Variants in GRID2 observed in about 807,000 individuals in gnomAD.
GRID2 encodes the protein glutamate receptor ionotropic, delta-2.
GRID2 carries 33 observed loss-of-function variants against 114.8 expected under a neutral mutation model. That is an observed-to-expected ratio of 0.29 (90% CI 0.22 to 0.38). The LOEUF (loss-of-function observed/expected upper bound fraction) is 0.38, where lower values mean the gene tolerates loss of function less well. Ranked by LOEUF, GRID2 falls within the 10% of genes least tolerant of loss-of-function variation. GRID2 has a pLI of 1.00. For synonymous variants in GRID2, 505 were observed against 449.9 expected, an observed-to-expected ratio of 1.12 and a Z score of -1.55; for missense variants, 1,184 against 1,257.7, an observed-to-expected ratio of 0.94 and a Z score of 0.89.
rs113547988 is a variant in GRID2, at chr4:92,569,109, C to A, written c.89-21022C>A. 2.4e-3 allele frequency among the ~76,000 whole-genome samples: 372 copies of A among 152,058 alleles called. 1 individual carries two copies. Among genetic ancestry groups the A allele is most frequent in the African/African-American group, 8.1e-3 (337 of 41,510 alleles). On this transcript the variant is annotated intron_variant, in intron 1 of 15. Transcript: ENST00000282020. ...CCAACATCCATTATTCTTCCTGATGCTCTCTCTCCTTCCACCCCACACCCT... is the reference window on the plus strand; with the variant it reads ...CCAACATCCATTATTCTTCCTGATGATCTCTCTCCTTCCACCCCACACCCT...
intron 2 of GRID2, among the ~76,000 whole-genome samples, chr4:92,643,521 G>A (rs966773492): frequency 2.0e-5 from 3 of 151,734 alleles, no homozygotes; most frequent in Non-Finnish European, 4.4e-5. Flanking sequence ...AAACTCACTA[G>A]CATTTTTATA....
intron 1 of GRID2, among the ~76,000 whole-genome samples, chr4:92,586,352 A>G (rs1027727487): frequency 1.4e-5 from 2 of 142,928 alleles, no homozygotes; most frequent in African/African-American, 5.3e-5. Flanking sequence ...AGCACAAAAA[A>G]TCTACACACA....
intron 1 of GRID2, among the ~76,000 whole-genome samples, chr4:92,425,291 T>C (rs1315990983): frequency 6.6e-6 from 1 of 152,030 alleles, no homozygotes; most frequent in Non-Finnish European, 1.5e-5. Context: ...TTATTTATAG[T>C]ACTTTAGGAA....
At position 92,724,028 on chromosome 4, in the gene GRID2, G is replaced by T. The variant is rs141261483; in HGVS notation, c.244+133742G>T. On this transcript the variant is annotated intron_variant, in intron 2 of 15. Transcript: ENST00000282020. Reference sequence around the variant, plus strand: ...TCCAAACTAAGCTCACTGCATTTTAGTCAGATAGCAAAAATCTGTATCAAT... The same window carrying T: ...TCCAAACTAAGCTCACTGCATTTTATTCAGATAGCAAAAATCTGTATCAAT... Among the ~76,000 whole-genome samples, 1,516 of 151,990 alleles carry T rather than the reference G, an allele frequency of 1.0e-2. 21 individuals carry two copies. The highest frequency in any genetic ancestry group is 0.035 in the African/African-American group (1,454 of 41,440).
chr4:92,527,666 A>AC (rs1725110892), intron 1 of GRID2, among the ~76,000 whole-genome samples: 2 of 152,062 alleles, frequency 1.3e-5, no homozygotes, highest in Non-Finnish European at 2.9e-5. Flanking sequence ...GAAAAAATTC[A>AC]AGTGTGAATT....
At chr4:92,330,983 A>G (rs1317549464) in intron 1 of GRID2, among the ~76,000 whole-genome samples, 1 of 152,130 alleles carries the variant, frequency 6.6e-6, no homozygotes, top group East Asian at 1.9e-4. Flanking sequence ...AAAACTCTTT[A>G]TTGAGCAATT....
At chr4:92,470,689 C>G (rs1171327666) in intron 1 of GRID2, among the ~76,000 whole-genome samples, 1 of 151,958 alleles carries the variant, frequency 6.6e-6, no homozygotes, top group East Asian at 1.9e-4. Flanking sequence ...CAAGAACTGA[C>G]TGCAATCATT....
At chr4:92,579,959 A>T (rs995086810) in intron 1 of GRID2, among the ~76,000 whole-genome samples, 1 of 145,936 alleles carries the variant, frequency 6.9e-6, no homozygotes, top group African/African-American at 2.5e-5. Context: ...TATTTTATAT[A>T]TGTGTATATA....
intron 1 of GRID2, among the ~76,000 whole-genome samples, chr4:92,440,133 G>A (rs1732964394): frequency 6.8e-6 from 1 of 146,250 alleles, no homozygotes; most frequent in Non-Finnish European, 1.5e-5. Flanking sequence ...GTATTGTCCA[G>A]TCCTTTTTAA....
At chr4:93,295,250 C>T (rs548836656) in intron 8 of GRID2, among the ~76,000 whole-genome samples, 27 of 152,018 alleles carry the variant, frequency 1.8e-4, no homozygotes, top group African/African-American at 6.0e-4. Flanking sequence ...TGAGTGAAAT[C>T]GAGAAAAACG....
intron 12 of GRID2, among the ~76,000 whole-genome samples, chr4:93,498,760 C>CT (rs1339589708): frequency 6.6e-6 from 1 of 151,684 alleles, no homozygotes; most frequent in East Asian, 1.9e-4. Flanking sequence ...ATCCAGATAC[C>CT]TTTTATTTTC....
chr4:92,530,580 C>G (rs560794371), intron 1 of GRID2, among the ~76,000 whole-genome samples: 4 of 150,512 alleles, frequency 2.7e-5, no homozygotes, highest in East Asian at 2.0e-4. Context: ...TGTCTGGGTC[C>G]TTATTTGTCC....
At chr4:93,164,811 G>T (rs923956322) in intron 4 of GRID2, 2 of 379,192 alleles carry the variant, frequency 5.3e-6, no homozygotes, top group Non-Finnish European at 1.1e-5. Flanking sequence ...AGACACTTAC[G>T]TGACAATTGG....
intron 10 of GRID2, among the ~76,000 whole-genome samples, chr4:93,450,042 C>T (rs1722530257): frequency 6.6e-6 from 1 of 151,758 alleles, no homozygotes; most frequent in Admixed American, 6.6e-5. Context: ...TTAAATTTAG[C>T]ATAAGGCAGT....
intron 1 of GRID2, among the ~76,000 whole-genome samples, chr4:92,331,586 T>G (rs879271445): frequency 7.9e-5 from 12 of 152,330 alleles, no homozygotes; most frequent in Non-Finnish European, 1.6e-4. Context: ...GTTTTTCATT[T>G]GTTATTTCTT....
chr4:92,710,745 G>A (rs1273922323), intron 2 of GRID2, among the ~76,000 whole-genome samples: 7 of 152,118 alleles, frequency 4.6e-5, no homozygotes, highest in Non-Finnish European at 1.0e-4. Flanking sequence ...ATTCATTTGA[G>A]AAGACAGAAA....
intron 11 of GRID2, among the ~76,000 whole-genome samples, chr4:93,469,978 A>C (rs1724649767): frequency 6.6e-6 from 1 of 152,156 alleles, no homozygotes; most frequent in Admixed American, 6.5e-5. Context: ...AGTGAAAATT[A>C]AAATGTTCAC....
At chr4:92,913,499 GT>G (rs1022589486) in intron 2 of GRID2, among the ~76,000 whole-genome samples, 44 of 151,652 alleles carry the variant, frequency 2.9e-4, no homozygotes, top group African/African-American at 1.0e-3. Context: ...AACTCCCTCT[GT>G]TTTATATTTC....
intron 1 of GRID2, among the ~76,000 whole-genome samples, chr4:92,524,640 CA>C (rs1451026894): frequency 6.6e-6 from 1 of 151,862 alleles, no homozygotes; most frequent in African/African-American, 2.4e-5. Context: ...AACTTGTTAA[CA>C]AACTTAATTC....
Sources: gnomAD v4.1 joint callset for allele counts (sites outside exome capture counted in the v4.1 genomes callset) on GRCh38, gnomAD v4.1.1 for gene constraint, MANE v1.5 for transcripts, NCBI Gene and HGNC (gene_info 2026-07-23, HGNC 2026-07-21) for gene names.